Variants in USPL1 observed in about 807,000 individuals in gnomAD.
USPL1 encodes the protein SUMO-specific isopeptidase USPL1.
In USPL1, 27 loss-of-function variants were observed where a neutral mutation model predicts 51.5. That is an observed-to-expected ratio of 0.52 (90% confidence interval 0.39 to 0.72). USPL1 has a LOEUF of 0.72. Among genes scored for constraint, USPL1 ranks in the 30% least tolerant of loss-of-function variants. The probability of loss-of-function intolerance (pLI) is 0.00; values close to 1 mark genes in which losing one functional copy is unlikely to be tolerated. For synonymous variants in USPL1, 451 were observed against 459.6 expected (o/e 0.98, Z 0.24); for missense variants, 1,226 against 1,268.0 (o/e 0.97, Z 0.50).
intron 7 of USPL1, 74 bp from the exon 8 acceptor site, chr13:30,653,074 C>T: frequency 2.1e-6 from 3 of 1,438,346 alleles, no homozygotes; most frequent in East Asian, 2.4e-5. Context: ...GACTAGTTCA[C>T]TTCAGACATC....
intron 5 of USPL1, among the ~76,000 whole-genome samples, chr13:30,638,222 T>TA (rs1245277314): frequency 1.3e-3 from 195 of 152,346 alleles, no homozygotes; most frequent in African/African-American, 4.5e-3. Flanking sequence ...ATGCCAATGC[T>TA]GGGGCATTTG....
intron 8 of USPL1, among the ~76,000 whole-genome samples, chr13:30,655,678 C>T (rs927547816): frequency 3.3e-5 from 5 of 152,144 alleles, no homozygotes; most frequent in Non-Finnish European, 7.3e-5. Flanking sequence ...GTGTCTCTAA[C>T]ATGTTTTGCA....
intron 3 of USPL1, among the ~76,000 whole-genome samples, chr13:30,623,702 A>G (rs151187825): frequency 3.9e-4 from 60 of 152,306 alleles, no homozygotes; most frequent in African/African-American, 1.4e-3. Context: ...GAAAGACCAC[A>G]TGATTAGAGA....
intron 8 of USPL1, among the ~76,000 whole-genome samples, chr13:30,655,920 A>T (rs1270973405): frequency 6.6e-6 from 1 of 152,228 alleles, no homozygotes; most frequent in Non-Finnish European, 1.5e-5. Context: ...CTGTGCCGCA[A>T]TTACCATGAC....
At chr13:30,654,385 C>T (rs1951132070) in intron 8 of USPL1, among the ~76,000 whole-genome samples, 3 of 150,998 alleles carry the variant, frequency 2.0e-5, no homozygotes, top group African/African-American at 4.9e-5. Context: ...TTCTTTGCTC[C>T]TTCATTCCTT....
chr13:30,649,433 C>T (rs947855532), intron 7 of USPL1, among the ~76,000 whole-genome samples: 5 of 152,190 alleles, frequency 3.3e-5, no homozygotes, highest in African/African-American at 1.2e-4. Flanking sequence ...ATCCTAAAAA[C>T]TAATTAAGTT....
At chr13:30,635,715 G>T (rs1950867123) in intron 4 of USPL1, among the ~76,000 whole-genome samples, 1 of 152,108 alleles carries the variant, frequency 6.6e-6, no homozygotes, top group Admixed American at 6.5e-5. Flanking sequence ...AAAATTTTGA[G>T]TTTGGTCATA....
At position 30,647,077 on chromosome 13, in the gene USPL1, T is replaced by C. The variant is rs759958977; in HGVS notation, c.1238+20T>C. On this transcript the variant is annotated intron_variant, in intron 7 of 8. Transcript: ENST00000255304. ...AGAAAAGTGAGTTAAAATTGTCTTA[T>C]AATTTTTAGTACAAAATGAAGGTGG... The C allele has an allele frequency of 1.3e-6, 2 of 1,589,760 alleles. No individual in the cohort carries two copies. The highest frequency in any genetic ancestry group is 2.2e-5 in the South Asian group (2 of 90,202).
At position 30,654,944 on chromosome 13, in the gene USPL1, G is replaced by GT. The variant is rs544944279; in HGVS notation, c.1396+1650dup. 1.2e-3 allele frequency among the ~76,000 whole-genome samples: 168 copies of GT among 145,968 alleles called. 3 individuals carry two copies. The highest frequency in any genetic ancestry group is 5.2e-3 in the South Asian group (24 of 4,626). On this transcript the variant is annotated intron_variant, in intron 8 of 8. Transcript: ENST00000255304. The stretch of plus-strand genomic sequence containing the variant: ...TTTTTATATCAGATCATATATATAT[G>GT]TTTTTTTTTTTGAGATGGAGTTTTG...
intron 7 of USPL1, among the ~76,000 whole-genome samples, chr13:30,651,003 CAA>C (rs1467084171): frequency 7.5e-5 from 9 of 119,478 alleles, no homozygotes; most frequent in Non-Finnish European, 3.6e-5. Flanking sequence ...ACAAACAAAC[CAA>C]AAAAAAAAAA....
At chr13:30,627,123 T>C (rs1593363108) in intron 3 of USPL1, among the ~76,000 whole-genome samples, 1 of 151,920 alleles carries the variant, frequency 6.6e-6, no homozygotes, top group Admixed American at 6.6e-5. Context: ...TTTTCAGCAT[T>C]GGATTTTAAA....
intron 7 of USPL1, among the ~76,000 whole-genome samples, chr13:30,650,627 A>G (rs1219093059): frequency 1.3e-5 from 2 of 151,866 alleles, no homozygotes; most frequent in South Asian, 2.1e-4. Flanking sequence ...TGTTCTGTCA[A>G]TGTTAAGGTG....
At position 30,642,661 on chromosome 13, in the gene USPL1, T is replaced by G; in HGVS notation, c.1016T>G (p.Leu339Arg). 6.2e-7 allele frequency: 1 copy of G among 1,613,940 alleles called. No homozygotes were observed. The highest frequency in any genetic ancestry group is 2.2e-5 in the East Asian group (1 of 44,852). Reference sequence around the variant, plus strand: ...GAAAGCCCTGTGTTTGCATTTCCCCTGCTCTTAAAACTAGAAACCCACATT... The same window carrying G: ...GAAAGCCCTGTGTTTGCATTTCCCCGGCTCTTAAAACTAGAAACCCACATT... ...DMESPVFAFP[L>R]LLKLETHIEK... Residue 339 changes from leucine to arginine, a missense_variant, in exon 6 of 9, where the codon CTG becomes CGG. Leu to Arg is a moderately radical substitution (Grantham distance 102). Coordinates refer to ENST00000255304, the MANE Select transcript of USPL1 (RefSeq NM_005800.5).
At chr13:30,632,985 C>G (rs1273420823) in intron 4 of USPL1, among the ~76,000 whole-genome samples, 1 of 75,658 alleles carries the variant, frequency 1.3e-5, no homozygotes, top group Non-Finnish European at 2.6e-5. Flanking sequence ...GCGTTTCCTC[C>G]CATCCCATTC....
At position 30,658,908 on chromosome 13, in the gene USPL1, A is replaced by G; in HGVS notation, c.2831A>G (p.Tyr944Cys). The G allele has an allele frequency of 3.7e-6, 6 of 1,614,234 alleles. No homozygotes were observed. Among genetic ancestry groups the G allele is most frequent in the Non-Finnish European group, 5.1e-6 (6 of 1,180,048 alleles). ...GAGGACTTGTTAAATGAGCTACCAT[A>G]TCCAATTGATATTGCCAGTGAGTCT... ...SIEDLLNELP[Y>C]PIDIASESAC... The change falls in exon 9 of 9, where the codon TAT (tyrosine) becomes TGT (cysteine). Residue 944 changes from tyrosine (Y) to cysteine (C), a missense_variant. Coordinates refer to ENST00000255304, the MANE Select transcript of USPL1 (RefSeq NM_005800.5).
chr13:30,651,221 A>G (rs1951088362), intron 7 of USPL1, among the ~76,000 whole-genome samples: 1 of 152,196 alleles, frequency 6.6e-6, no homozygotes, highest in South Asian at 2.1e-4. Flanking sequence ...AACTTAACAT[A>G]TAATTGCTCT....
At chr13:30,637,630 T>C in intron 4 of USPL1, 114 bp from the exon 5 acceptor site, 1 of 812,570 alleles carries the variant, frequency 1.2e-6, no homozygotes, top group Non-Finnish European at 1.9e-6. Context: ...GTGTTTTGCT[T>C]TTTGTCTGTT....
At chr13:30,621,651 G>C in intron 2 of USPL1, 113 bp from the exon 3 acceptor site, 1 of 816,036 alleles carries the variant, frequency 1.2e-6, no homozygotes, top group East Asian at 3.4e-5. Context: ...ACCTTGTCAG[G>C]ATACTTGTAA....
chr13:30,620,211 G>T (rs1422756850), intron 1 of USPL1, among the ~76,000 whole-genome samples: 1 of 152,194 alleles, frequency 6.6e-6, no homozygotes, highest in African/African-American at 2.4e-5. Flanking sequence ...CCCAGGAGAT[G>T]GGTGTCATAG....
Sources: allele counts gnomAD v4.1 joint callset (sites outside exome capture counted in the v4.1 genomes callset), GRCh38; gene constraint gnomAD v4.1.1; transcripts MANE v1.5; gene names NCBI Gene and HGNC (gene_info 2026-07-23, HGNC 2026-07-21).